Variants in REPS2 observed in about 807,000 individuals in gnomAD.
REPS2 encodes ralBP1-associated Eps domain-containing protein 2.
In REPS2, 23 loss-of-function variants were observed where a neutral mutation model predicts 53.6. The observed-to-expected ratio is 0.43, with a 90% CI of 0.31 to 0.61. The LOEUF (loss-of-function observed/expected upper bound fraction) is 0.61. Among genes scored for constraint, REPS2 ranks in the 20% least tolerant of loss-of-function variants. The pLI, the probability that REPS2 is intolerant of heterozygous loss-of-function variation, is 0.11. For missense variants in REPS2, 446 were observed against 534.9 expected, an observed-to-expected ratio of 0.83 and a Z score of 1.64; for synonymous variants, 238 against 218.6, an observed-to-expected ratio of 1.09 and a Z score of -0.78.
chrX:17,180,203 T>A, the REPS2 span, among the ~76,000 whole-genome samples: 1 of 111,452 alleles, frequency 9.0e-6, no homozygotes, highest in South Asian at 3.8e-4. Context: ...AATTTATACA[T>A]CTTTGGATTG....
In REPS2 at chrX:17,140,613, A is replaced by G. The variant is rs1039095088; in HGVS notation, c.1914+1652A>G. Among the ~76,000 whole-genome samples the G allele has an allele frequency of 4.5e-5, 5 of 110,705 alleles. No homozygotes were observed. In the South Asian group the frequency reaches 1.1e-3, roughly 25 times the overall value. On this transcript the variant is annotated intron_variant, in intron 17 of 17. Transcript: ENST00000357277. ...TCTTATTTTTGACATATTTTCAAAT[A>G]AATTGCAGATATCTGTATACTTTCC...
At chrX:17,031,271 G>A (rs2061705888) in intron 5 of REPS2, among the ~76,000 whole-genome samples, 1 of 112,050 alleles carries the variant, frequency 8.9e-6, no homozygotes, top group African/African-American at 3.2e-5. Context: ...GAATGGTTAG[G>A]ATGATAGTCA....
At position 17,060,332 on chromosome X, in the gene REPS2, TA is replaced by T. The variant is rs1329945388; in HGVS notation, c.1115-2099del. Among the ~76,000 whole-genome samples, 9 of 110,708 alleles carry T rather than the reference TA, an allele frequency of 8.1e-5. No homozygotes were observed. The South Asian group carries it at 1.5e-3, about 19-fold the overall frequency. ...ATAAAATAAAATAAAAATAAAAAAA[TA>T]AAAAAAGTCACCTTTTGATAGGTGA... On this transcript the variant is annotated intron_variant, in intron 8 of 17. Transcript: ENST00000357277.
At chrX:17,172,546 T>A in the REPS2 span, among the ~76,000 whole-genome samples, 1 of 112,202 alleles carries the variant, frequency 8.9e-6, no homozygotes, top group Non-Finnish European at 1.9e-5. Flanking sequence ...ATTAAACTTC[T>A]TTTCTTTATA....
chrX:17,037,010 T>A (rs982314176), intron 5 of REPS2, among the ~76,000 whole-genome samples: 1 of 111,113 alleles, frequency 9.0e-6, no homozygotes, highest in South Asian at 3.8e-4. Context: ...AAGGTTAACA[T>A]GTCCTCCAGG....
At position 16,984,806 on chromosome X, in the gene REPS2, CT is replaced by C. The variant is rs1209360223; in HGVS notation, c.274-21403del. On this transcript the variant is annotated intron_variant, in intron 1 of 17. Coordinates refer to ENST00000357277, the MANE Select transcript of REPS2 (RefSeq NM_004726.3). Reference sequence around the variant, plus strand: ...ATCCTGAAAAGTTTGGTCTGATGTACTTTTTTTTTTTTCCTGGAAAATCTCC... The same window carrying C: ...ATCCTGAAAAGTTTGGTCTGATGTACTTTTTTTTTTTCCTGGAAAATCTCC... Among the ~76,000 whole-genome samples the C allele has an allele frequency of 8.6e-4, 89 of 102,981 alleles. 2 individuals carry two copies. Among genetic ancestry groups the C allele is most frequent in the East Asian group, 3.3e-3 (11 of 3,312 alleles). The allele number at this position is 102,981 out of a possible 115,157, so 89.4% of individuals were successfully genotyped here.
chrX:16,998,214 T>C (rs781554922), intron 1 of REPS2, among the ~76,000 whole-genome samples: 29 of 111,629 alleles, frequency 2.6e-4, no homozygotes, highest in Non-Finnish European at 4.3e-4. Flanking sequence ...GTGCCACTGC[T>C]CTGTAGCCTC....
the REPS2 span, among the ~76,000 whole-genome samples, chrX:17,163,921 C>T: frequency 1.8e-5 from 2 of 112,048 alleles, no homozygotes; most frequent in Non-Finnish European, 3.8e-5. Flanking sequence ...TATAAATATA[C>T]TTTGTTTGTA....
At chrX:17,031,365 T>C (rs1333577155) in intron 5 of REPS2, among the ~76,000 whole-genome samples, 9 of 112,071 alleles carry the variant, frequency 8.0e-5, no homozygotes, top group Non-Finnish European at 1.5e-4. Context: ...GGCATGGGCA[T>C]GGATGCTCAT....
chrX:17,180,607 TTCTC>T, the REPS2 span, among the ~76,000 whole-genome samples: 3 of 97,670 alleles, frequency 3.1e-5, no homozygotes, highest in Non-Finnish European at 6.0e-5. Flanking sequence ...CAGGCTTTGG[TTCTC>T]TCTCTCTCTC....
rs184953407 is a variant in REPS2 at position 17,009,279 on chromosome X, G to A, written c.397+2935G>A. Among the ~76,000 whole-genome samples the A allele has an allele frequency of 3.6e-5, 4 of 111,070 alleles. No homozygotes were observed. The East Asian group carries it at 8.5e-4, about 24-fold the overall frequency. ...GTGCAAGGGATCCTCCAACCTCAGC[G>A]CCCCGAGTAGCTGGGACTACAGGCA... is the stretch of plus-strand genomic sequence containing the variant. On this transcript the variant is annotated intron_variant, in intron 2 of 17. Transcript: ENST00000357277.
chrX:16,979,145 A>G (rs1311383638), intron 1 of REPS2, among the ~76,000 whole-genome samples: 1 of 111,955 alleles, frequency 8.9e-6, no homozygotes, highest in Admixed American at 9.5e-5. Flanking sequence ...CCCATAAGCA[A>G]TTCTCTAGAA....
intron 2 of REPS2, among the ~76,000 whole-genome samples, chrX:17,017,063 C>G (rs1270027598): frequency 9.0e-6 from 1 of 111,365 alleles, no homozygotes; most frequent in Non-Finnish European, 1.9e-5. Context: ...CCTCCACCTT[C>G]CAAGCTCAAG....
chrX:17,039,088 A>G (rs2061800008), intron 5 of REPS2, among the ~76,000 whole-genome samples: 1 of 112,148 alleles, frequency 8.9e-6, no homozygotes, highest in African/African-American at 3.2e-5. Flanking sequence ...GTGAAGAGAC[A>G]GGCAGCCTTG....
At chrX:17,050,190 C>CTTTCTTTCTTTCTTTCT (rs2061973724) in intron 6 of REPS2, among the ~76,000 whole-genome samples, 3 of 48,602 alleles carry the variant, frequency 6.2e-5, no homozygotes, top group Non-Finnish European at 1.1e-4. Flanking sequence ...TTCTTTCTTT[C>CTTTCTTTCTTTCTTTCT]TTTCTTTTTT....
At chrX:17,115,568 G>C (rs1022803604) in intron 14 of REPS2, among the ~76,000 whole-genome samples, 3 of 110,436 alleles carry the variant, frequency 2.7e-5, no homozygotes, top group African/African-American at 6.6e-5. Flanking sequence ...TACGGGTGTC[G>C]AGCTGGGGGA....
At chrX:16,950,902 C>T (rs776410733) in intron 1 of REPS2, among the ~76,000 whole-genome samples, 10 of 112,072 alleles carry the variant, frequency 8.9e-5, no homozygotes, top group East Asian at 5.6e-4. Context: ...ATAAAATAGC[C>T]GGGCATGGTG....
At chrX:17,015,736 T>C (rs1319950593) in intron 2 of REPS2, among the ~76,000 whole-genome samples, 3 of 111,750 alleles carry the variant, frequency 2.7e-5, no homozygotes, top group African/African-American at 9.8e-5. Flanking sequence ...ACAAAGGACA[T>C]GAACTCATCA....
At chrX:17,178,451 A>T in the REPS2 span, among the ~76,000 whole-genome samples, 16 of 112,574 alleles carry the variant, frequency 1.4e-4, no homozygotes, top group African/African-American at 4.8e-4. Context: ...TTGTGGTTGA[A>T]TGATAACTCC....
Sources: gnomAD v4.1 joint callset for allele counts (sites outside exome capture counted in the v4.1 genomes callset) on GRCh38, gnomAD v4.1.1 for gene constraint, MANE v1.5 for transcripts, NCBI Gene and HGNC (gene_info 2026-07-23, HGNC 2026-07-21) for gene names.